DMD: variants seen among roughly 807,000 people sequenced by gnomAD.
The protein encoded by DMD is mutant dystrophin.
In DMD, 63 loss-of-function variants were observed where a neutral mutation model predicts 330.1. The ratio of observed to expected loss-of-function variants is 0.19; its 90% CI spans 0.16 to 0.24. The LOEUF is 0.24. Ranked by LOEUF, DMD falls within the 10% of genes least tolerant of loss-of-function variation. The pLI, the probability that DMD is intolerant of heterozygous loss-of-function variation, is 1.00. For missense variants in DMD, 3,344 were observed against 2,684.1 expected (o/e 1.25, Z -5.43); for synonymous variants, 1,223 against 959.8 (o/e 1.27, Z -5.07).
intron 11 of DMD, among the ~76,000 whole-genome samples, chrX:32,630,039 C>T (rs1003342216): frequency 3.6e-5 from 4 of 111,608 alleles, no homozygotes; most frequent in Non-Finnish European, 7.5e-5. Context: ...TTTGTTACTT[C>T]AGATGATGAC....
intron 33 of DMD, among the ~76,000 whole-genome samples, chrX:32,382,844 C>A (rs749606585): frequency 9.1e-6 from 1 of 110,454 alleles, no homozygotes; most frequent in East Asian, 2.8e-4. Context: ...TTGTTTATTT[C>A]CAGCTAAATA....
rs761238710 is a variant in DMD at position 32,557,970 on chromosome X, A to C, written c.1992+7732T>G. ...AATAATTTAATTTATATTAATAATTAATTTATTACTGTAAGGTAATAAAAT... is the reference window on the plus strand; with the variant it reads ...AATAATTTAATTTATATTAATAATTCATTTATTACTGTAAGGTAATAAAAT... On this transcript the variant is annotated intron_variant, in intron 16 of 78. Coordinates refer to ENST00000357033, the MANE Select transcript of DMD (RefSeq NM_004006.3). 2.7e-5 allele frequency among the ~76,000 whole-genome samples: 3 copies of C among 110,115 alleles called. No homozygotes were observed. In the South Asian group the frequency reaches 1.1e-3, roughly 41 times the overall value.
chrX:32,083,663 A>G (rs950141246), intron 44 of DMD, among the ~76,000 whole-genome samples: 3 of 112,800 alleles, frequency 2.7e-5, no homozygotes, highest in Non-Finnish European at 5.6e-5. Context: ...GCAAAATAAC[A>G]GGGAAGTGCC....
chrX:32,112,252 G>A (rs1001751800), intron 44 of DMD, among the ~76,000 whole-genome samples: 4 of 111,850 alleles, frequency 3.6e-5, no homozygotes, highest in Non-Finnish European at 7.5e-5. Flanking sequence ...CTAGAGGGCT[G>A]ATAAAAATAC....
rs1032558062 is a variant in DMD at position 32,950,522 on chromosome X, T to C, written c.93+69617A>G. On this transcript the variant is annotated intron_variant, in intron 2 of 78. Coordinates refer to ENST00000357033, the MANE Select transcript of DMD (RefSeq NM_004006.3). ...CACGGCCATATATTGTGTGATGGTA[T>C]ATTTCTTGGAAAGCACAATTCGGGA... 4.5e-5 allele frequency among the ~76,000 whole-genome samples: 5 copies of C among 111,048 alleles called. No individual in the cohort carries two copies. In the South Asian group the frequency reaches 1.9e-3, roughly 43 times the overall value.
Position 31,779,685 on chromosome X carries a change from TTGTGTGTGTGTGTGTG to T in DMD, c.7310-5509_7310-5494del, listed in dbSNP as rs34110475. ...CTAGGTAGACAGATAGATACACACATTGTGTGTGTGTGTGTGTGTGTGTGTGTGTGTGTAAAGAGAG... is the reference window on the plus strand; with the variant it reads ...CTAGGTAGACAGATAGATACACACATTGTGTGTGTGTGTGTGTAAAGAGAG... On this transcript the variant is annotated intron_variant, in intron 50 of 78. Transcript: ENST00000357033. 4.0e-5 allele frequency among the ~76,000 whole-genome samples: 4 copies of T among 100,160 alleles called. No homozygotes were observed. The East Asian group carries it at 9.7e-4, about 24-fold the overall frequency. The allele number at this position is 100,160 out of a possible 115,157, so 87.0% of individuals were successfully genotyped here.
chrX:31,170,193 C>T (rs1044746035), intron 73 of DMD, among the ~76,000 whole-genome samples: 2 of 110,826 alleles, frequency 1.8e-5, no homozygotes, highest in African/African-American at 3.3e-5. Flanking sequence ...GACAGAAGAA[C>T]GAAAATTAAG....
intron 1 of DMD, among the ~76,000 whole-genome samples, chrX:33,149,250 T>A (rs1306955466): frequency 9.0e-6 from 1 of 111,480 alleles, no homozygotes; most frequent in Non-Finnish European, 1.9e-5. Flanking sequence ...TGACACATCA[T>A]CAGTCACTAG....
At chrX:33,321,457 A>G (rs1163368567) in intron 1 of DMD, among the ~76,000 whole-genome samples, 1 of 111,551 alleles carries the variant, frequency 9.0e-6, no homozygotes, top group Admixed American at 9.6e-5. Flanking sequence ...TCTGAGCACA[A>G]GGTCTCAACC....
intron 16 of DMD, among the ~76,000 whole-genome samples, chrX:32,557,763 A>G (rs987490670): frequency 1.9e-4 from 21 of 111,240 alleles, no homozygotes; most frequent in African/African-American, 6.5e-4. Flanking sequence ...AAAAGATCAG[A>G]TGGTCACAAA....
Position 32,315,350 on chromosome X carries a change from C to T in DMD, c.5923-5074G>A, listed in dbSNP as rs760088263. Among the ~76,000 whole-genome samples, 202 of 109,568 alleles carry T rather than the reference C, an allele frequency of 1.8e-3. 2 individuals carry two copies. Among genetic ancestry groups the T allele is most frequent in the African/African-American group, 6.4e-3 (193 of 29,930 alleles). ...GAGTTGAACAATGAAAACATATGGCCGCAGGGGCCTGTTGGCGGGTGGGGG... is the reference window on the plus strand; with the variant it reads ...GAGTTGAACAATGAAAACATATGGCTGCAGGGGCCTGTTGGCGGGTGGGGG... On this transcript the variant is annotated intron_variant, in intron 41 of 78. Transcript: ENST00000357033.
At chrX:32,074,676 A>G (rs2147828383) in intron 44 of DMD, among the ~76,000 whole-genome samples, 1 of 109,308 alleles carries the variant, frequency 9.1e-6, no homozygotes, top group South Asian at 4.0e-4. Context: ...TAATTGCGAC[A>G]AAGACGACAA....
intron 2 of DMD, among the ~76,000 whole-genome samples, chrX:33,006,238 C>A (rs2147482472): frequency 9.0e-6 from 1 of 111,495 alleles, no homozygotes; most frequent in Admixed American, 9.6e-5. Flanking sequence ...CTTATATAGA[C>A]AAACCGTTTC....
intron 2 of DMD, among the ~76,000 whole-genome samples, chrX:32,855,041 T>C (rs1390366862): frequency 2.7e-5 from 3 of 111,923 alleles, no homozygotes; most frequent in African/African-American, 9.7e-5. Context: ...AAAAAATCAA[T>C]GTGATAGATC....
chrX:32,397,231 A>G (rs987447343), intron 30 of DMD, among the ~76,000 whole-genome samples: 20 of 111,756 alleles, frequency 1.8e-4, no homozygotes, highest in African/African-American at 6.5e-4. Flanking sequence ...TTCACCTAAT[A>G]TATACATCTA....
chrX:32,355,318 C>T, intron 37 of DMD, among the ~76,000 whole-genome samples: 1 of 111,188 alleles, frequency 9.0e-6, no homozygotes, highest in Admixed American at 9.6e-5. Context: ...GCTAACCACA[C>T]TGTCTAACTG....
At chrX:32,342,040 G>A (rs751859361) in intron 41 of DMD, 60 bp downstream of exon 41, 4 of 1,061,286 alleles carry the variant, frequency 3.8e-6, no homozygotes, top group East Asian at 6.3e-5. Context: ...TTATTAGTAG[G>A]CCTCTGTTAA....
intron 60 of DMD, among the ~76,000 whole-genome samples, chrX:31,355,738 CA>C (rs1438906471): frequency 5.4e-5 from 6 of 110,978 alleles, no homozygotes; most frequent in Non-Finnish European, 9.4e-5. Flanking sequence ...CGTGCCCAAA[CA>C]TTATCCGGGA....
chrX:32,356,248 T>C, intron 37 of DMD, among the ~76,000 whole-genome samples: 1 of 109,711 alleles, frequency 9.1e-6, no homozygotes, highest in Non-Finnish European at 1.9e-5. Flanking sequence ...GGCCCAATCA[T>C]GTGTTTCTTT....
Sources: allele counts gnomAD v4.1 joint callset (sites outside exome capture counted in the v4.1 genomes callset), GRCh38; gene constraint gnomAD v4.1.1; transcripts MANE v1.5; gene names NCBI Gene and HGNC (gene_info 2026-07-23, HGNC 2026-07-21).